CDIN1: variants seen among roughly 807,000 people sequenced by gnomAD.
CDIN1 encodes the protein CDAN1 interacting nuclease 1, also known as CDAN1-interacting nuclease 1.
In CDIN1, 33 loss-of-function variants were observed where a neutral mutation model predicts 45.3. The observed-to-expected ratio is 0.73, with a 90% CI of 0.55 to 0.97. The LOEUF is 0.97. Ranked by LOEUF, CDIN1 falls within the 50% of genes least tolerant of loss-of-function variation. The pLI, the probability that CDIN1 is intolerant of heterozygous loss-of-function variation, is 0.00. For synonymous variants in CDIN1, 118 were observed against 124.4 expected (o/e 0.95, Z 0.34); for missense variants, 303 against 339.4 (o/e 0.89, Z 0.84).
chr15:36,758,506 T>A (rs978854958), intron 10 of CDIN1, among the ~76,000 whole-genome samples: 2 of 152,188 alleles, frequency 1.3e-5, no homozygotes, highest in African/African-American at 2.4e-5. Context: ...GATTGCATGA[T>A]CTTGATGCAT....
At chr15:36,662,142 GCTTT>G (rs1468450899) in intron 5 of CDIN1, among the ~76,000 whole-genome samples, 1 of 152,104 alleles carries the variant, frequency 6.6e-6, no homozygotes, top group Non-Finnish European at 1.5e-5. Flanking sequence ...GCTTACCTTT[GCTTT>G]CTTTCATGTT....
At chr15:36,760,048 GTGTTTT>G (rs2053717387) in intron 10 of CDIN1, among the ~76,000 whole-genome samples, 1 of 152,254 alleles carries the variant, frequency 6.6e-6, no homozygotes, top group South Asian at 2.1e-4. Flanking sequence ...GAGTACTTAT[GTGTTTT>G]TTACCTCAGA....
At chr15:36,625,113 T>TA (rs2039360991) in intron 1 of CDIN1, among the ~76,000 whole-genome samples, 1 of 151,808 alleles carries the variant, frequency 6.6e-6, no homozygotes, top group African/African-American at 2.4e-5. Flanking sequence ...CCGTCTCTAC[T>TA]AAAAATACAA....
chr15:36,639,538 A>G (rs901887150), intron 1 of CDIN1, among the ~76,000 whole-genome samples: 2 of 152,172 alleles, frequency 1.3e-5, no homozygotes, highest in Non-Finnish European at 2.9e-5. Flanking sequence ...CAGTGAGCCG[A>G]GACTGCGCCA....
intron 10 of CDIN1, among the ~76,000 whole-genome samples, chr15:36,763,394 G>C (rs1021483385): frequency 6.6e-6 from 1 of 152,092 alleles, no homozygotes; most frequent in Admixed American, 6.6e-5. Context: ...GCCACACTCA[G>C]TAAGAGTCAA....
At chr15:36,718,271 T>C (rs529865792) in intron 10 of CDIN1, among the ~76,000 whole-genome samples, 1 of 152,278 alleles carries the variant, frequency 6.6e-6, no homozygotes, top group Admixed American at 6.5e-5. Flanking sequence ...ACTGTAACAT[T>C]ATAATTTTGA....
intron 10 of CDIN1, among the ~76,000 whole-genome samples, chr15:36,720,478 C>T (rs1202062067): frequency 1.4e-5 from 2 of 145,308 alleles, no homozygotes; most frequent in Non-Finnish European, 3.0e-5. Context: ...CACCCTGTGT[C>T]CAAGTGATCC....
At chr15:36,678,307 A>G (rs1184155918) in intron 5 of CDIN1, among the ~76,000 whole-genome samples, 1 of 152,148 alleles carries the variant, frequency 6.6e-6, no homozygotes, top group African/African-American at 2.4e-5. Context: ...TGGCAGGTCA[A>G]CCCCTGTGGA....
rs1491409839 is a variant in CDIN1, at chr15:36,703,350, A to ATATATATAT, written c.545-5873_545-5872insTATATATAT. Among the ~76,000 whole-genome samples the ATATATATAT allele has an allele frequency of 1.7e-4, 14 of 83,890 alleles. 1 individual carries two copies. The highest frequency in any genetic ancestry group is 7.4e-4 in the African/African-American group (13 of 17,594). 55.0% of individuals were successfully genotyped at this position (83,890 alleles called of 152,430 possible). On this transcript the variant is annotated intron_variant, in intron 8 of 10. Transcript: ENST00000566621. ...TATCAGATAGATCTATCAGATATATACATATATCAGATAGATCTATCATAT... is the reference window on the plus strand; with the variant it reads ...TATCAGATAGATCTATCAGATATATATATATATATCATATATCAGATAGATCTATCATAT...
intron 10 of CDIN1, among the ~76,000 whole-genome samples, chr15:36,752,104 A>G (rs2053491193): frequency 6.6e-6 from 1 of 152,176 alleles, no homozygotes; most frequent in African/African-American, 2.4e-5. Context: ...GCACACGTTT[A>G]CCTATGTAAC....
intron 10 of CDIN1, among the ~76,000 whole-genome samples, chr15:36,741,367 T>C (rs2044231317): frequency 6.6e-6 from 1 of 152,182 alleles, no homozygotes; most frequent in Non-Finnish European, 1.5e-5. Flanking sequence ...TTCCAACTAG[T>C]TGTAAGTGTT....
At chr15:36,777,023 T>A (rs879857492) in intron 10 of CDIN1, among the ~76,000 whole-genome samples, 3 of 152,204 alleles carry the variant, frequency 2.0e-5, no homozygotes, top group African/African-American at 4.8e-5. Context: ...ACTTCTGATC[T>A]TAAGGTTATA....
At chr15:36,751,359 G>T (rs1428057705) in intron 10 of CDIN1, among the ~76,000 whole-genome samples, 2 of 150,110 alleles carry the variant, frequency 1.3e-5, no homozygotes, top group Non-Finnish European at 3.0e-5. Flanking sequence ...TGAAAACAAT[G>T]TTCTAAAAGC....
At chr15:36,690,949 T>C (rs556373612) in intron 5 of CDIN1, among the ~76,000 whole-genome samples, 2 of 152,232 alleles carry the variant, frequency 1.3e-5, no homozygotes, top group South Asian at 4.1e-4. Flanking sequence ...TATAGCACCT[T>C]CATCAGATGC....
chr15:36,755,396 G>T (rs1339785092), intron 10 of CDIN1, among the ~76,000 whole-genome samples: 1 of 152,130 alleles, frequency 6.6e-6, no homozygotes. Flanking sequence ...CGTTTCTGAA[G>T]TCGCTCATTG....
In CDIN1 at chr15:36,653,952, G is replaced by A. The variant is rs10220771; in HGVS notation, c.213-146G>A. 0.95 allele frequency: 590,533 copies of A among 618,378 alleles called. 282,179 individuals are homozygous for A. Among genetic ancestry groups the A allele is most frequent in the East Asian group, 1 (34,898 of 34,926 alleles). The allele number at this position is 618,378 out of a possible 1,614,324, so 38.3% of individuals were successfully genotyped here. On this transcript the variant is annotated intron_variant, in intron 3 of 10. Transcript: ENST00000566621. ...TGTTTGTGTTATGTTTTTCCCTTCA[G>A]TGCTTTCCTATGAAAGTAGCTTACT...
chr15:36,795,647 TAG>T (rs2054775057), intron 10 of CDIN1, among the ~76,000 whole-genome samples: 1 of 152,048 alleles, frequency 6.6e-6, no homozygotes, highest in South Asian at 2.1e-4. Flanking sequence ...TCTTTTAAAG[TAG>T]AGTTTCTCCT....
chr15:36,665,731 C>A (rs1341545416), intron 5 of CDIN1, among the ~76,000 whole-genome samples: 9 of 152,206 alleles, frequency 5.9e-5, no homozygotes, highest in African/African-American at 2.2e-4. Context: ...CTATGGAAGT[C>A]AAAAATGGTT....
chr15:36,762,761 C>T (rs148332822), intron 10 of CDIN1, among the ~76,000 whole-genome samples: 251 of 152,130 alleles, frequency 1.6e-3, no homozygotes, highest in African/African-American at 5.2e-3. Context: ...TTTGTCCCTG[C>T]GATATTTTGC....
Sources: gnomAD v4.1 joint callset for allele counts (sites outside exome capture counted in the v4.1 genomes callset) on GRCh38, gnomAD v4.1.1 for gene constraint, MANE v1.5 for transcripts, NCBI Gene and HGNC (gene_info 2026-07-23, HGNC 2026-07-21) for gene names.